ZNF682: variants seen among roughly 807,000 people sequenced by gnomAD.
ZNF682 encodes the protein zinc finger protein 682.
Under a neutral mutation model 36.5 loss-of-function variants are expected in ZNF682, and 29 were observed. The ratio of observed to expected loss-of-function variants is 0.80; its 90% CI spans 0.59 to 1.08. The LOEUF is 1.08. Among genes scored for constraint, ZNF682 ranks in the 50% least tolerant of loss-of-function variants. ZNF682 has a pLI of 0.00. For synonymous variants in ZNF682, 180 were observed against 197.0 expected, an observed-to-expected ratio of 0.91 and a Z score of 0.72; for missense variants, 561 against 579.7, an observed-to-expected ratio of 0.97 and a Z score of 0.33.
chr19:20,029,452 T>A (rs1397244929), intron 1 of ZNF682, among the ~76,000 whole-genome samples: 1 of 151,418 alleles, frequency 6.6e-6, no homozygotes. Context: ...AATACAAAAA[T>A]TAGCTGGGTG....
At chr19:20,020,816 A>T (rs943325944) in intron 3 of ZNF682, among the ~76,000 whole-genome samples, 1 of 152,226 alleles carries the variant, frequency 6.6e-6, no homozygotes, top group Admixed American at 6.5e-5. Flanking sequence ...ACACAGAAAG[A>T]AAAATAATGC....
intron 1 of ZNF682, among the ~76,000 whole-genome samples, chr19:20,031,674 G>C (rs1191324441): frequency 6.6e-6 from 1 of 152,156 alleles, no homozygotes; most frequent in Non-Finnish European, 1.5e-5. Flanking sequence ...CGGGCACGGT[G>C]GCTCACCCCT....
At position 20,006,162 on chromosome 19, in the gene ZNF682, T is replaced by A; in HGVS notation, c.1340A>T (p.His447Leu). The A allele has an allele frequency of 6.2e-7, 1 of 1,613,120 alleles. No individual in the cohort carries two copies. The highest frequency in any genetic ancestry group is 2.2e-5 in the East Asian group (1 of 44,876). Residue 447 changes from histidine to leucine, a missense_variant, in exon 4 of 4, where the codon CAT (histidine) becomes CTT (leucine). Physicochemically the swap from His to Leu is moderately conservative, Grantham distance 99. Transcript: ENST00000397165. Reference sequence around the variant, plus strand: ...ACATTTATAGCGTTTGACGGCAGTATGAATTTTCTTATGTCTAGTAAGGTG... The same window carrying A: ...ACATTTATAGCGTTTGACGGCAGTAAGAATTTTCTTATGTCTAGTAAGGTG... The part of the protein sequence containing the change: ...CSHLTRHKKI[H>L]TAVKRYKCEE...
intron 1 of ZNF682, among the ~76,000 whole-genome samples, chr19:20,032,909 A>C (rs1250185146): frequency 1.3e-5 from 2 of 152,178 alleles, no homozygotes; most frequent in Admixed American, 1.3e-4. Context: ...TCATGACAGG[A>C]GGTAGTTTTG....
At position 20,006,388 on chromosome 19, in the gene ZNF682, C is replaced by G. The variant is rs2088219768; in HGVS notation, c.1114G>C (p.Glu372Gln). ...CTCTTAAAGACTTTGTCACATTTTT[C>G]ACATTTGTAGGGTTTCTCTCCGCTA... ...IHSGEKPYKC[E>Q]KCDKVFKRFS... Residue 372 changes from glutamate to glutamine, a missense_variant, in exon 4 of 4, where the codon GAA (glutamate) becomes CAA (glutamine). By Grantham distance (29) the Glu-to-Gln change is conservative. Coordinates refer to ENST00000397165, the MANE Select transcript of ZNF682 (RefSeq NM_033196.3). 6 of 1,612,588 alleles carry G rather than the reference C, an allele frequency of 3.7e-6. No individual in the cohort carries two copies. The highest frequency in any genetic ancestry group is 5.1e-6 in the Non-Finnish European group (6 of 1,179,688).
At chr19:20,017,557 T>A (rs1263958941) in intron 3 of ZNF682, among the ~76,000 whole-genome samples, 1 of 152,022 alleles carries the variant, frequency 6.6e-6, no homozygotes, top group Non-Finnish European at 1.5e-5. Flanking sequence ...CTCTCAAATA[T>A]ATAAAACAAA....
chr19:20,039,481 G>C lies in ZNF682; in HGVS notation c.-136C>G. On this transcript the variant is annotated 5_prime_UTR_variant, in exon 1 of 4. Transcript: ENST00000397165. The stretch of plus-strand genomic sequence containing the variant: ...ACTAAGCAATGAAGATGGACCCTGA[G>C]CTCTGGCTGGAGCGAGACAAAGGCC... 2 of 1,229,128 alleles carry C rather than the reference G, an allele frequency of 1.6e-6. No homozygotes were observed. Among genetic ancestry groups the C allele is most frequent in the Non-Finnish European group, 2.3e-6 (2 of 888,276 alleles). The allele number at this position is 1,229,128 out of a possible 1,614,324, so 76.1% of individuals were successfully genotyped here. A position where few individuals can be genotyped will look rare whatever the true frequency, so the allele number is the denominator to read the frequency against.
intron 1 of ZNF682, among the ~76,000 whole-genome samples, chr19:20,029,294 C>CT (rs561579595): frequency 0.039 from 5,756 of 146,732 alleles, 272 homozygotes; most frequent in East Asian, 0.2. Context: ...CTTTTGTTTT[C>CT]TTTTTTTTTT....
intron 3 of ZNF682, among the ~76,000 whole-genome samples, chr19:20,016,184 G>A (rs935060363): frequency 6.6e-6 from 1 of 152,090 alleles, no homozygotes; most frequent in African/African-American, 2.4e-5. Context: ...GGTAGCACTC[G>A]CCTGTACTGT....
rs371443933 is a variant in ZNF682, at chr19:20,007,236, T to C, written c.266A>G (p.Gln89Arg). Residue 89 changes from glutamine to arginine, a missense_variant, in exon 4 of 4, where the codon CAG (glutamine) becomes CGG (arginine). Coordinates refer to ENST00000397165, the MANE Select transcript of ZNF682 (RefSeq NM_033196.3). The part of the protein sequence containing the change: ...SHYTEDLLPE[Q>R]CMQDSFQKVI... ...TTTTTGGAATGAATCTTGCATGCAC[T>C]GTTCTGGCAAAAGGTCTTCAGTGTA... The C allele has an allele frequency of 2.2e-5, 36 of 1,612,678 alleles. No individual in the cohort carries two copies. Among genetic ancestry groups the C allele is most frequent in the Non-Finnish European group, 3.0e-5 (35 of 1,179,688 alleles).
chr19:20,038,613 T>TAAAAAAAA (rs58388624), intron 1 of ZNF682, among the ~76,000 whole-genome samples: 3 of 145,002 alleles, frequency 2.1e-5, no homozygotes, highest in African/African-American at 5.2e-5. Flanking sequence ...GTTCCTACAT[T>TAAAAAAAA]AAAAAAAAAA....
At chr19:19,998,909 A>G (rs1165371123) in intron 3 of ZNF682, among the ~76,000 whole-genome samples, 1 of 152,150 alleles carries the variant, frequency 6.6e-6, no homozygotes, top group Non-Finnish European at 1.5e-5. Flanking sequence ...AGAAAAATAT[A>G]TATATAATCT....
downstream of ZNF682, among the ~76,000 whole-genome samples, chr19:20,003,663 C>T (rs923928218): frequency 6.6e-6 from 1 of 151,492 alleles, no homozygotes; most frequent in Admixed American, 6.6e-5. Context: ...AGAGATTGCA[C>T]CACTGCACTC....
downstream of ZNF682, among the ~76,000 whole-genome samples, chr19:20,003,388 AAAG>A (rs2088183987): frequency 6.6e-6 from 1 of 151,860 alleles, no homozygotes; most frequent in African/African-American, 2.4e-5. Flanking sequence ...CAGATTATAT[AAAG>A]AATACTTTAT....
intron 1 of ZNF682, among the ~76,000 whole-genome samples, chr19:20,029,645 A>G (rs1459911211): frequency 6.6e-6 from 1 of 152,000 alleles, no homozygotes; most frequent in Admixed American, 6.6e-5. Context: ...CTTGAAATAA[A>G]AGCTGAAGAT....
intron 3 of ZNF682, among the ~76,000 whole-genome samples, chr19:20,008,782 A>G (rs2088253836): frequency 6.6e-6 from 1 of 152,110 alleles, no homozygotes; most frequent in African/African-American, 2.4e-5. Context: ...ATAATCTCTC[A>G]CACACTATCT....
At chr19:20,034,628 C>G (rs560154884) in intron 1 of ZNF682, among the ~76,000 whole-genome samples, 1 of 151,418 alleles carries the variant, frequency 6.6e-6, no homozygotes, top group African/African-American at 2.4e-5. Flanking sequence ...AAAAAATTAG[C>G]CGGGCTTGGT....
chr19:20,034,976 A>T (rs989426947), intron 1 of ZNF682, among the ~76,000 whole-genome samples: 1 of 133,280 alleles, frequency 7.5e-6, no homozygotes, highest in African/African-American at 2.9e-5. Flanking sequence ...CGTGCCTGTA[A>T]TCCCAGCTAC....
chr19:20,021,619 A>G (rs1473426128), intron 3 of ZNF682, among the ~76,000 whole-genome samples: 1 of 152,336 alleles, frequency 6.6e-6, no homozygotes, highest in East Asian at 1.9e-4. Flanking sequence ...ATAAATAGTT[A>G]TATACTTTTA....
Sources: gnomAD v4.1 joint callset for allele counts (sites outside exome capture counted in the v4.1 genomes callset) on GRCh38, gnomAD v4.1.1 for gene constraint, MANE v1.5 for transcripts, NCBI Gene and HGNC (gene_info 2026-07-23, HGNC 2026-07-21) for gene names.